THSD4: variants seen among roughly 807,000 people sequenced by gnomAD.
THSD4 encodes thrombospondin type-1 domain-containing protein 4.
In THSD4, 69 loss-of-function variants were observed where a neutral mutation model predicts 119.0. The observed-to-expected ratio is 0.58, with a 90% CI of 0.48 to 0.71. The LOEUF is 0.71. Ranked by LOEUF, THSD4 falls within the 30% of genes least tolerant of loss-of-function variation. THSD4 has a pLI of 0.00. For missense variants in THSD4, 1,393 were observed against 1,391.1 expected (o/e 1.00, Z -0.02); for synonymous variants, 524 against 540.4 (o/e 0.97, Z 0.42).
chr15:71,219,107 C>T (rs1267517861), intron 4 of THSD4, among the ~76,000 whole-genome samples: 4 of 152,096 alleles, frequency 2.6e-5, no homozygotes, highest in African/African-American at 9.7e-5. Context: ...ATCTGAGTTG[C>T]TCTGGTTGAA....
chr15:71,499,092 A>G (rs1301205460), intron 7 of THSD4, among the ~76,000 whole-genome samples: 1 of 152,150 alleles, frequency 6.6e-6, no homozygotes, highest in Non-Finnish European at 1.5e-5. Context: ...TAAGTGCTGT[A>G]GCTTGGCATT....
At chr15:71,281,322 G>GC (rs2044649597) in intron 6 of THSD4, among the ~76,000 whole-genome samples, 1 of 152,266 alleles carries the variant, frequency 6.6e-6, no homozygotes, top group African/African-American at 2.4e-5. Flanking sequence ...TCAGGTGAGA[G>GC]CAACATTTAG....
chr15:71,711,161 C>T (rs1218326913), intron 8 of THSD4, among the ~76,000 whole-genome samples: 1 of 149,786 alleles, frequency 6.7e-6, no homozygotes, highest in Non-Finnish European at 1.5e-5. Flanking sequence ...GCAAATATAA[C>T]ATAAATAGGG....
chr15:71,257,430 A>G (rs903810534), intron 6 of THSD4, among the ~76,000 whole-genome samples: 3 of 152,250 alleles, frequency 2.0e-5, no homozygotes, highest in African/African-American at 7.2e-5. Context: ...GCTCACAGCC[A>G]AGTTGGCTGG....
intron 7 of THSD4, among the ~76,000 whole-genome samples, chr15:71,424,865 T>C (rs1313629409): frequency 1.3e-5 from 2 of 152,170 alleles, no homozygotes; most frequent in African/African-American, 4.8e-5. Flanking sequence ...CTTGAAGGTA[T>C]AGCAGGCATT....
intron 7 of THSD4, among the ~76,000 whole-genome samples, chr15:71,612,555 A>G (rs1005922067): frequency 6.6e-6 from 1 of 152,302 alleles, no homozygotes; most frequent in Admixed American, 6.5e-5. Flanking sequence ...CACCCATGAA[A>G]GGGATGGGTT....
At chr15:71,390,985 C>G (rs1396120021) in intron 6 of THSD4, among the ~76,000 whole-genome samples, 2 of 150,494 alleles carry the variant, frequency 1.3e-5, no homozygotes, top group East Asian at 2.0e-4. Flanking sequence ...CTCAGCCACC[C>G]GAGTAGCTGA....
At chr15:71,483,769 C>T (rs1315592970) in intron 7 of THSD4, among the ~76,000 whole-genome samples, 2 of 150,166 alleles carry the variant, frequency 1.3e-5, no homozygotes, top group Non-Finnish European at 3.0e-5. Context: ...CCCGACAGAC[C>T]CCAGTGTGTG....
intron 1 of THSD4, among the ~76,000 whole-genome samples, chr15:71,130,991 G>T (rs539784621): frequency 6.6e-6 from 1 of 151,808 alleles, no homozygotes; most frequent in Admixed American, 6.6e-5. Flanking sequence ...TGATCCGCCT[G>T]CCTTGGCCTC....
intron 1 of THSD4, among the ~76,000 whole-genome samples, chr15:71,117,260 T>C (rs1013133396): frequency 6.6e-6 from 1 of 152,176 alleles, no homozygotes; most frequent in African/African-American, 2.4e-5. Context: ...GAAATATTTC[T>C]TACTGGCTGT....
intron 5 of THSD4, among the ~76,000 whole-genome samples, chr15:71,253,115 G>T (rs2044277835): frequency 6.6e-6 from 1 of 152,174 alleles, no homozygotes; most frequent in African/African-American, 2.4e-5. Context: ...GCTGGGCTTA[G>T]CTGACTCCTG....
At chr15:71,704,392 G>A (rs1389629365) in intron 8 of THSD4, among the ~76,000 whole-genome samples, 1 of 152,180 alleles carries the variant, frequency 6.6e-6, no homozygotes, top group Non-Finnish European at 1.5e-5. Context: ...TTCCCTTGCT[G>A]TTGTGACAGT....
intron 14 of THSD4, among the ~76,000 whole-genome samples, chr15:71,754,779 T>A (rs2053509272): frequency 6.6e-6 from 1 of 151,998 alleles, no homozygotes; most frequent in Admixed American, 6.6e-5. Context: ...ATTTTTGTAG[T>A]GGCATGGGGG....
At chr15:71,702,064 A>C (rs2052300990) in intron 8 of THSD4, among the ~76,000 whole-genome samples, 1 of 152,162 alleles carries the variant, frequency 6.6e-6, no homozygotes, top group South Asian at 2.1e-4. Context: ...TTCTGAACTG[A>C]CAGTCTTCAG....
At chr15:71,293,138 A>G (rs960962681) in intron 6 of THSD4, among the ~76,000 whole-genome samples, 1 of 152,164 alleles carries the variant, frequency 6.6e-6, no homozygotes. Flanking sequence ...CGAAAGTTCT[A>G]CGTGCATGTG....
chr15:71,240,407 A>G (rs1437788034), intron 4 of THSD4, among the ~76,000 whole-genome samples: 1 of 152,120 alleles, frequency 6.6e-6, no homozygotes, highest in African/African-American at 2.4e-5. Flanking sequence ...TGGAATTTCT[A>G]TTTTATTCTA....
At chr15:71,582,798 G>T (rs1160575908) in intron 7 of THSD4, among the ~76,000 whole-genome samples, 1 of 152,136 alleles carries the variant, frequency 6.6e-6, no homozygotes, top group African/African-American at 2.4e-5. Flanking sequence ...ATTTGCACAT[G>T]TCAAACCTTC....
chr15:71,657,602 T>C (rs2051217179), intron 7 of THSD4, among the ~76,000 whole-genome samples: 3 of 152,208 alleles, frequency 2.0e-5, no homozygotes. Flanking sequence ...GGGTAGCCAC[T>C]AGAACACTGA....
intron 7 of THSD4, among the ~76,000 whole-genome samples, chr15:71,524,070 T>C (rs558473365): frequency 6.6e-6 from 1 of 152,308 alleles, no homozygotes; most frequent in East Asian, 1.9e-4. Context: ...TAGATTATCT[T>C]GAAGAACAAG....
Sources: allele counts gnomAD v4.1 joint callset (sites outside exome capture counted in the v4.1 genomes callset), GRCh38; gene constraint gnomAD v4.1.1; transcripts MANE v1.5; gene names NCBI Gene and HGNC (gene_info 2026-07-23, HGNC 2026-07-21).